E2F3: variants seen among roughly 807,000 people sequenced by gnomAD.
The protein encoded by E2F3 is transcription factor E2F3.
A neutral mutation model predicts 44.4 loss-of-function variants in E2F3; 11 were observed. That is an observed-to-expected ratio of 0.25 (90% CI 0.16 to 0.41). The LOEUF is 0.41. Among genes scored for constraint, E2F3 ranks in the 10% least tolerant of loss-of-function variants. The pLI is 1.00. For synonymous variants in E2F3, 249 were observed against 253.0 expected, an observed-to-expected ratio of 0.98 and a Z score of 0.15; for missense variants, 487 against 583.6, an observed-to-expected ratio of 0.83 and a Z score of 1.70.
intron 1 of E2F3, among the ~76,000 whole-genome samples, chr6:20,454,305 A>C (rs1761237784): frequency 6.6e-6 from 1 of 152,246 alleles, no homozygotes; most frequent in East Asian, 1.9e-4. Context: ...GTTTCTGAGC[A>C]TGCTCAAGAT....
At chr6:20,481,981 G>A (rs76385654) in intron 3 of E2F3, among the ~76,000 whole-genome samples, 2,261 of 152,148 alleles carry the variant, frequency 0.015, 17 homozygotes, top group Non-Finnish European at 0.021. Flanking sequence ...ACAGCCACAC[G>A]TATGATTACA....
chr6:20,486,865 ACT>A (rs1488122219), intron 5 of E2F3, 62 bp downstream of exon 5: 4 of 1,036,606 alleles, frequency 3.9e-6, no homozygotes, highest in Non-Finnish European at 5.8e-6. Flanking sequence ...AAATTGAATG[ACT>A]CATTGACTCA....
intron 1 of E2F3, among the ~76,000 whole-genome samples, chr6:20,429,491 G>A (rs925789346): frequency 6.6e-6 from 1 of 152,162 alleles, no homozygotes; most frequent in African/African-American, 2.4e-5. Flanking sequence ...AAAACAGTAT[G>A]TATAGGGTTT....
At chr6:20,489,540 A>G (rs569040533) in intron 6 of E2F3, among the ~76,000 whole-genome samples, 6 of 152,278 alleles carry the variant, frequency 3.9e-5, no homozygotes, top group Middle Eastern at 3.4e-3. Flanking sequence ...GTATGTATAT[A>G]TTGTTTTGTT....
At chr6:20,411,763 G>A (rs993641767) in intron 1 of E2F3, among the ~76,000 whole-genome samples, 20 of 152,194 alleles carry the variant, frequency 1.3e-4, no homozygotes, top group African/African-American at 4.8e-4. Flanking sequence ...GCCTCCCCCA[G>A]TTTCCCAGGG....
chr6:20,480,727 A>G (rs900029165), intron 2 of E2F3, among the ~76,000 whole-genome samples: 1 of 152,178 alleles, frequency 6.6e-6, no homozygotes, highest in Admixed American at 6.5e-5. Context: ...TGAACAGGTG[A>G]TACACGCACA....
intron 1 of E2F3, among the ~76,000 whole-genome samples, chr6:20,466,337 T>C (rs1761711062): frequency 2.0e-5 from 3 of 152,152 alleles, no homozygotes; most frequent in Admixed American, 6.5e-5. Context: ...GATCTTGAAC[T>C]CTTGACCTCC....
Position 20,488,150 on chromosome 6 carries a change from T to C in E2F3, c.1037T>C (p.Ile346Thr), listed in dbSNP as rs1291546222. 7 of 1,614,046 alleles carry C rather than the reference T, an allele frequency of 4.3e-6. No homozygotes were observed. The highest frequency in any genetic ancestry group is 2.2e-5 in the East Asian group (1 of 44,886). ...CATTTGGCAAGTACCCAAGGGCCCA[T>C]TGAGGTTTACTTATGTCCAGAAGAG... ...QIHLASTQGP[I>T]EVYLCPEETE... Residue 346 changes from isoleucine to threonine, a missense_variant, in exon 6 of 7, where the codon ATT (isoleucine) becomes ACT (threonine). Transcript: ENST00000346618.
intron 1 of E2F3, among the ~76,000 whole-genome samples, chr6:20,423,266 T>A (rs1760087576): frequency 6.6e-6 from 1 of 152,216 alleles, no homozygotes; most frequent in Non-Finnish European, 1.5e-5. Flanking sequence ...GGTTCTATGG[T>A]CTAGCCTCTT....
intron 1 of E2F3, among the ~76,000 whole-genome samples, chr6:20,458,489 A>G (rs934523914): frequency 2.0e-5 from 3 of 152,146 alleles, no homozygotes; most frequent in African/African-American, 7.2e-5. Flanking sequence ...CCTCAGCCTT[A>G]GAAAAAACAG....
chr6:20,462,525 T>A (rs560094614), intron 1 of E2F3, among the ~76,000 whole-genome samples: 3 of 151,904 alleles, frequency 2.0e-5, no homozygotes, highest in African/African-American at 7.2e-5. Flanking sequence ...TGGCGTGATC[T>A]TGGCTCACTG....
chr6:20,472,436 C>G (rs993404782), intron 1 of E2F3, among the ~76,000 whole-genome samples: 6 of 152,006 alleles, frequency 3.9e-5, no homozygotes, highest in Non-Finnish European at 8.8e-5. Flanking sequence ...TCTGTAATCT[C>G]AACACTTTGG....
At chr6:20,435,083 A>T (rs190076681) in intron 1 of E2F3, among the ~76,000 whole-genome samples, 157 of 150,720 alleles carry the variant, frequency 1.0e-3, no homozygotes, top group African/African-American at 3.8e-3. Flanking sequence ...AGAATATTTT[A>T]TGGTGAGTTG....
chr6:20,413,037 C>A (rs1433664164), intron 1 of E2F3, among the ~76,000 whole-genome samples: 1 of 151,868 alleles, frequency 6.6e-6, no homozygotes, highest in African/African-American at 2.4e-5. Context: ...AAGCAGACAG[C>A]CAGGGGTTAA....
intron 1 of E2F3, among the ~76,000 whole-genome samples, chr6:20,472,255 C>T (rs1043840148): frequency 2.6e-5 from 4 of 152,030 alleles, no homozygotes; most frequent in Non-Finnish European, 5.9e-5. Flanking sequence ...AGTGAGGAAG[C>T]CTGGAGTATG....
intron 1 of E2F3, among the ~76,000 whole-genome samples, chr6:20,430,753 G>A (rs1760373988): frequency 6.6e-6 from 1 of 152,192 alleles, no homozygotes; most frequent in African/African-American, 2.4e-5. Flanking sequence ...GCAATAGAGG[G>A]ACATGTTGAT....
In E2F3 at chr6:20,486,689, G is replaced by A. The variant is rs199535177; in HGVS notation, c.885G>A (p.Arg295=). The change falls in exon 5 of 7, where the codon AGG becomes AGA. Residue 295 remains arginine, a splice_region_variant and synonymous_variant. Transcript: ENST00000346618. The part of the protein sequence containing the change: ...KLLTEDSENQ[R]LAYVTYQDIR... ...TGGAAGATTCCTTGACACTCTTTACGTTAGCTTATGTTACATATCAAGATA... is the reference window on the plus strand; with the variant it reads ...TGGAAGATTCCTTGACACTCTTTACATTAGCTTATGTTACATATCAAGATA... 298 of 1,539,854 alleles carry A rather than the reference G, an allele frequency of 1.9e-4. No homozygotes were observed. Among genetic ancestry groups the A allele is most frequent in the Non-Finnish European group, 2.4e-4 (268 of 1,117,932 alleles).
chr6:20,445,248 T>C, intron 1 of E2F3: 16 of 261,654 alleles, frequency 6.1e-5, no homozygotes, highest in African/African-American at 8.0e-5. Context: ...ATTTTCTCCC[T>C]TTTTTTTTTT....
chr6:20,417,268 T>A (rs1254996602), intron 1 of E2F3, among the ~76,000 whole-genome samples: 1 of 152,154 alleles, frequency 6.6e-6, no homozygotes, highest in African/African-American at 2.4e-5. Flanking sequence ...GTGTCCAGTG[T>A]GGAGCTGGGC....
Sources: gnomAD v4.1 joint callset for allele counts (sites outside exome capture counted in the v4.1 genomes callset) on GRCh38, gnomAD v4.1.1 for gene constraint, MANE v1.5 for transcripts, NCBI Gene and HGNC (gene_info 2026-07-23, HGNC 2026-07-21) for gene names.